The following ME1 variants were observed in gnomAD, a reference collection of about 807,000 sequenced individuals.
ME1 encodes malic enzyme 1.
ME1 carries 74 observed loss-of-function variants against 66.4 expected under a neutral mutation model. The ratio of observed to expected loss-of-function variants is 1.11; its 90% CI spans 0.92 to 1.35. The LOEUF is 1.35. Among genes scored for constraint, ME1 ranks in the 40% most tolerant of loss-of-function variants. ME1 has a pLI of 0.00. For missense variants in ME1, 750 were observed against 694.1 expected, an observed-to-expected ratio of 1.08 and a Z score of -0.90; for synonymous variants, 251 against 235.6, an observed-to-expected ratio of 1.07 and a Z score of -0.60.
chr6:83,360,406 G>A (rs967247072), intron 3 of ME1, among the ~76,000 whole-genome samples: 2 of 152,076 alleles, frequency 1.3e-5, no homozygotes, highest in African/African-American at 4.8e-5. Flanking sequence ...TTAAAGTAGG[G>A]GCTTATGGAG....
chr6:83,314,168 G>T (rs1425313432), intron 6 of ME1, among the ~76,000 whole-genome samples: 2 of 152,016 alleles, frequency 1.3e-5, no homozygotes, highest in East Asian at 3.9e-4. Context: ...ACTAAATTAT[G>T]GTGGGAGTCT....
intron 3 of ME1, among the ~76,000 whole-genome samples, chr6:83,386,179 T>G (rs1180761417): frequency 6.6e-6 from 1 of 151,924 alleles, no homozygotes; most frequent in African/African-American, 2.4e-5. Flanking sequence ...AGATAAATAG[T>G]GAAAATGTTT....
chr6:83,362,851 G>A (rs976686393), intron 3 of ME1, among the ~76,000 whole-genome samples: 3 of 152,142 alleles, frequency 2.0e-5, no homozygotes, highest in African/African-American at 7.2e-5. Flanking sequence ...CTCTAACAAA[G>A]GCACTCACTT....
At chr6:83,341,775 C>T (rs1264731697) in intron 5 of ME1, among the ~76,000 whole-genome samples, 1 of 152,092 alleles carries the variant, frequency 6.6e-6, no homozygotes, top group African/African-American at 2.4e-5. Context: ...TAACTTTCTA[C>T]GCCTAAGTAA....
chr6:83,345,730 G>T (rs919680051), intron 5 of ME1, among the ~76,000 whole-genome samples: 1 of 152,000 alleles, frequency 6.6e-6, no homozygotes. Flanking sequence ...CTGACTTTAA[G>T]ATTCTAAAAT....
Position 83,352,151 on chromosome 6 carries a change from A to C in ME1, c.363-12T>G, listed in dbSNP as rs1474382168. The C allele has an allele frequency of 1.3e-6, 2 of 1,493,698 alleles. No homozygotes were observed. The highest frequency in any genetic ancestry group is 2.4e-5 in the Admixed American group (1 of 42,126). The allele number at this position is 1,493,698 out of a possible 1,614,324, so 92.5% of individuals were successfully genotyped here. ...TAATAAAGAGACCTCTGCAGAAAAA[A>C]AAAAAAAAAAAGGAGTAGTTTACAT... On this transcript the variant is annotated splice_polypyrimidine_tract_variant and intron_variant, in intron 3 of 13. Coordinates refer to ENST00000369705, the MANE Select transcript of ME1 (RefSeq NM_002395.6).
intron 9 of ME1, among the ~76,000 whole-genome samples, chr6:83,230,877 A>G (rs984667576): frequency 6.6e-6 from 1 of 152,052 alleles, no homozygotes; most frequent in Non-Finnish European, 1.5e-5. Flanking sequence ...AGCTTGCAGT[A>G]AGCCAAGATC....
At chr6:83,238,813 T>TATATATATATATATATATATATAC (rs1259909037) in intron 8 of ME1, among the ~76,000 whole-genome samples, 1 of 149,026 alleles carries the variant, frequency 6.7e-6, no homozygotes, top group Non-Finnish European at 1.5e-5. Context: ...TATATATATA[T>TATATATATATATATATATATATAC]ATATATAGCC....
At chr6:83,305,879 A>C (rs539946190) in intron 6 of ME1, among the ~76,000 whole-genome samples, 181 of 152,244 alleles carry the variant, frequency 1.2e-3, no homozygotes, top group African/African-American at 4.3e-3. Context: ...ATCTCTAATA[A>C]TTAAAATATA....
Position 83,329,917 on chromosome 6 carries a change from G to A in ME1, c.601-14504C>T, listed in dbSNP as rs79472270. ...ACAGCTCACTATAGCCTCGAACTCC[G>A]AGACTCAAGGAATCCTCCCACCTTG... On this transcript the variant is annotated intron_variant, in intron 5 of 13. Coordinates refer to ENST00000369705, the MANE Select transcript of ME1 (RefSeq NM_002395.6). Among the ~76,000 whole-genome samples the A allele has an allele frequency of 7.5e-3, 1,135 of 152,118 alleles. 31 individuals carry two copies. The highest frequency in any genetic ancestry group is 0.061 in the East Asian group (314 of 5,176).
chr6:83,394,158 T>C (rs1470421686), intron 3 of ME1, among the ~76,000 whole-genome samples: 1 of 151,992 alleles, frequency 6.6e-6, no homozygotes, highest in Non-Finnish European at 1.5e-5. Context: ...TCTAACTCCT[T>C]TTCTTCAATG....
rs149711085 is a variant in ME1 at position 83,293,227 on chromosome 6, G to A, written c.704+22083C>T. On this transcript the variant is annotated intron_variant, in intron 6 of 13. Transcript: ENST00000369705. ...GCAGAAATCACCCATCTTCTGCATCGATCTTGCTGGGAGCTGTAGACCAGA... is the reference window on the plus strand; with the variant it reads ...GCAGAAATCACCCATCTTCTGCATCAATCTTGCTGGGAGCTGTAGACCAGA... Among the ~76,000 whole-genome samples, 732 of 152,246 alleles carry A rather than the reference G, an allele frequency of 4.8e-3. 5 individuals are homozygous for A. The highest frequency in any genetic ancestry group is 0.015 in the African/African-American group (625 of 41,554).
At chr6:83,289,085 T>C (rs186260792) in intron 6 of ME1, among the ~76,000 whole-genome samples, 24 of 152,350 alleles carry the variant, frequency 1.6e-4, no homozygotes, top group African/African-American at 5.8e-4. Context: ...TACAATCATG[T>C]CATCTGCAAA....
chr6:83,347,482 C>A (rs1768711148), intron 4 of ME1, among the ~76,000 whole-genome samples: 1 of 152,020 alleles, frequency 6.6e-6, no homozygotes, highest in Admixed American at 6.6e-5. Context: ...AGTTATTTGG[C>A]CTTGGGTGAA....
rs941277274 is a variant in ME1, at chr6:83,322,718, T to G, written c.601-7305A>C. Reference sequence around the variant, plus strand: ...AAGTGATGGGGAGAATGGAACCAAGTTGGAAAACACTCTTCAGGATATTAT... The same window carrying G: ...AAGTGATGGGGAGAATGGAACCAAGGTGGAAAACACTCTTCAGGATATTAT... On this transcript the variant is annotated intron_variant, in intron 5 of 13. Coordinates refer to ENST00000369705, the MANE Select transcript of ME1 (RefSeq NM_002395.6). Among the ~76,000 whole-genome samples, 4 of 152,314 alleles carry G rather than the reference T, an allele frequency of 2.6e-5. 1 individual carries two copies. The highest frequency in any genetic ancestry group is 2.6e-4 in the Admixed American group (4 of 15,294).
chr6:83,398,410 C>T lies in ME1; in HGVS notation c.319G>A (p.Gly107Ser), dbSNP rs1562002911. 1.3e-6 allele frequency: 2 copies of T among 1,599,190 alleles called. No individual in the cohort carries two copies. Among genetic ancestry groups the T allele is most frequent in the Non-Finnish European group, 1.7e-6 (2 of 1,174,148 alleles). Residue 107 changes from glycine (G) to serine (S), a missense_variant, in exon 3 of 14, where the codon GGT becomes AGT. Transcript: ENST00000369705. ...FMPIVYTPTV[G>S]LACQQYSLVF... ...AAACTATATTGTTGGCAAGCCAGAC[C>T]CACAGTGGGAGTATAAACAATAGGC...
intron 9 of ME1, among the ~76,000 whole-genome samples, chr6:83,232,882 TAA>T (rs1409907290): frequency 6.6e-6 from 1 of 152,006 alleles, no homozygotes; most frequent in East Asian, 1.9e-4. Context: ...CATTTAACTA[TAA>T]GTCAGAAAAA....
At chr6:83,269,577 G>T (rs1452808921) in intron 6 of ME1, among the ~76,000 whole-genome samples, 1 of 152,030 alleles carries the variant, frequency 6.6e-6, no homozygotes, top group African/African-American at 2.4e-5. Flanking sequence ...CTCCTGAAAT[G>T]CATTTTTTCA....
chr6:83,320,549 T>G (rs879733513), intron 5 of ME1, among the ~76,000 whole-genome samples: 1 of 152,216 alleles, frequency 6.6e-6, no homozygotes, highest in Non-Finnish European at 1.5e-5. Flanking sequence ...GCATAAAAAC[T>G]TTAAACAATT....
Sources: allele counts gnomAD v4.1 joint callset (sites outside exome capture counted in the v4.1 genomes callset), GRCh38; gene constraint gnomAD v4.1.1; transcripts MANE v1.5; gene names NCBI Gene and HGNC (gene_info 2026-07-23, HGNC 2026-07-21).